The following DUSP10 variants were observed in gnomAD, a reference collection of about 807,000 sequenced individuals.
The protein encoded by DUSP10 is dual specificity protein phosphatase 10.
DUSP10 carries 14 observed loss-of-function variants against 30.8 expected under a neutral mutation model. The observed-to-expected ratio is 0.46, with a 90% confidence interval of 0.30 to 0.71. The LOEUF is 0.71. Ranked by LOEUF, DUSP10 falls within the 30% of genes least tolerant of loss-of-function variation. DUSP10 has a pLI of 0.08. For synonymous variants in DUSP10, 254 were observed against 250.4 expected (o/e 1.01, Z -0.14); for missense variants, 550 against 619.4 (o/e 0.89, Z 1.19).
chr1:221,716,941 CCAAA>C (rs894121294), intron 2 of DUSP10, among the ~76,000 whole-genome samples: 8 of 152,192 alleles, frequency 5.3e-5, no homozygotes, highest in African/African-American at 1.9e-4. Context: ...CAAACCCTCC[CCAAA>C]CATTCTGGGA....
intron 3 of DUSP10, among the ~76,000 whole-genome samples, chr1:221,703,107 A>G (rs986059757): frequency 6.6e-6 from 1 of 152,196 alleles, no homozygotes; most frequent in African/African-American, 2.4e-5. Context: ...AAAGAAAAAA[A>G]AAGAATGAAG....
At chr1:221,740,349 CTT>C (rs1661915537) in intron 1 of DUSP10, among the ~76,000 whole-genome samples, 1 of 152,220 alleles carries the variant, frequency 6.6e-6, no homozygotes, top group African/African-American at 2.4e-5. Context: ...AAGTGAATCT[CTT>C]TAACTTGGAG....
chr1:221,714,998 T>C (rs55920838), intron 2 of DUSP10, among the ~76,000 whole-genome samples: 81,941 of 152,016 alleles, frequency 0.54, 22,168 homozygotes, highest in South Asian at 0.61. Context: ...AATCTTTGTA[T>C]AATTAGCAGT....
At chr1:221,729,416 G>T (rs1661513236) in intron 2 of DUSP10, among the ~76,000 whole-genome samples, 1 of 152,198 alleles carries the variant, frequency 6.6e-6, no homozygotes, top group Admixed American at 6.5e-5. Flanking sequence ...CTTGCAAATA[G>T]ATATGGCCAG....
chr1:221,725,978 C>T (rs1182452733), intron 2 of DUSP10, among the ~76,000 whole-genome samples: 2 of 152,226 alleles, frequency 1.3e-5, no homozygotes, highest in Non-Finnish European at 2.9e-5. Flanking sequence ...GTGGTGCTTC[C>T]TCATGTCCTC....
intron 3 of DUSP10, among the ~76,000 whole-genome samples, chr1:221,703,272 T>G (rs1233783788): frequency 1.3e-5 from 2 of 152,160 alleles, no homozygotes; most frequent in African/African-American, 4.8e-5. Context: ...AATTCCAATT[T>G]TCGGTTGTGT....
In DUSP10 at chr1:221,702,973, G is replaced by A. The variant is rs765509718; in HGVS notation, c.1184-296C>T. On this transcript the variant is annotated intron_variant, in intron 3 of 3. Transcript: ENST00000366899. This position sits in a 1 kb window ranked among gnomAD's most constrained non-coding sequence, Gnocchi z 4.5. ...TGCTGCACAGGTGACAGCAGTGGCC[G>A]GAAGCCAGACCTATAACACAGTTAA... Among the ~76,000 whole-genome samples, 8 of 152,108 alleles carry A rather than the reference G, an allele frequency of 5.3e-5. No homozygotes were observed. The highest frequency in any genetic ancestry group is 1.3e-4 in the Admixed American group (2 of 15,268).
At chr1:221,724,567 T>C (rs74408599) in intron 2 of DUSP10, among the ~76,000 whole-genome samples, 4,536 of 152,290 alleles carry the variant, frequency 0.03, 230 homozygotes, top group African/African-American at 0.1. Flanking sequence ...AAGTGCTCAA[T>C]GGCCACGTTT....
Position 221,706,440 on chromosome 1 carries a change from G to C in DUSP10, c.838C>G (p.His280Asp), listed in dbSNP as rs1462672907. ...AGGGAGTTGTCACAGAGGTTTTCAT[G>C]GTTCTGCTTAAAACTACTAAGTCCA... ...KGGLSSFKQN[H>D]ENLCDNSLQL... is the part of the protein sequence containing the mutation. Residue 280 changes from histidine to aspartate, a missense_variant, in exon 3 of 4, where the codon CAT becomes GAT. Physicochemically the swap from His to Asp is moderately conservative, Grantham distance 81 (BLOSUM62 -1). Coordinates refer to ENST00000366899, the MANE Select transcript of DUSP10 (RefSeq NM_007207.6). The surrounding 1 kb of genome is among the most constrained non-coding windows in gnomAD (Gnocchi z 4.6). 3.3e-6 allele frequency: 5 copies of C among 1,525,082 alleles called. No individual in the cohort carries two copies. Among genetic ancestry groups the C allele is most frequent in the Non-Finnish European group, 4.4e-6 (5 of 1,137,148 alleles). 94.5% of individuals were successfully genotyped at this position (1,525,082 alleles called of 1,614,324 possible).
At chr1:221,707,836 C>T (rs1286343335) in intron 2 of DUSP10, among the ~76,000 whole-genome samples, 2 of 152,000 alleles carry the variant, frequency 1.3e-5, no homozygotes, top group East Asian at 1.9e-4. Context: ...AAGTAAAAAA[C>T]ATTGACCAAA....
intron 2 of DUSP10, among the ~76,000 whole-genome samples, chr1:221,727,345 C>T (rs997913765): frequency 6.6e-5 from 10 of 152,174 alleles, no homozygotes; most frequent in African/African-American, 2.4e-4. Context: ...AGATACTAAT[C>T]CAAAGGATTA....
rs1345869576 is a variant in DUSP10, at chr1:221,702,926, A to G, written c.1184-249T>C. Among the ~76,000 whole-genome samples, 6 of 152,218 alleles carry G rather than the reference A, an allele frequency of 3.9e-5. No homozygotes were observed. Among genetic ancestry groups the G allele is most frequent in the Non-Finnish European group, 7.3e-5 (5 of 68,044 alleles). On this transcript the variant is annotated intron_variant, in intron 3 of 3. Transcript: ENST00000366899. This position sits in a 1 kb window ranked among gnomAD's most constrained non-coding sequence, Gnocchi z 4.5. Reference sequence around the variant, plus strand: ...ACATTTAAAGAGAAGATTAAATGAAAGAATTGCTCATAGGAACAGTTTGCT... The same window carrying G: ...ACATTTAAAGAGAAGATTAAATGAAGGAATTGCTCATAGGAACAGTTTGCT...
At chr1:221,713,758 C>CTTA (rs930143179) in intron 2 of DUSP10, among the ~76,000 whole-genome samples, 78 of 152,242 alleles carry the variant, frequency 5.1e-4, no homozygotes, top group African/African-American at 1.8e-3. Context: ...CAGGACTAGT[C>CTTA]TTATTTAAAT....
rs560763109 is a variant in DUSP10, at chr1:221,718,281, C to T, written c.812-11815G>A. Among the ~76,000 whole-genome samples the T allele has an allele frequency of 4.6e-3, 694 of 152,286 alleles. 9 individuals carry two copies. Among genetic ancestry groups the T allele is most frequent in the Non-Finnish European group, 4.4e-3 (301 of 68,034 alleles). ...CTTCCCTCCTCATTAGATATATGCC[C>T]TTTCAGATCAGCACTGGCACATGAC... On this transcript the variant is annotated intron_variant, in intron 2 of 3. Transcript: ENST00000366899.
rs188797540 is a variant in DUSP10, at chr1:221,722,235, C to G, written c.812-15769G>C. On this transcript the variant is annotated intron_variant, in intron 2 of 3. Coordinates refer to ENST00000366899, the MANE Select transcript of DUSP10 (RefSeq NM_007207.6). ...CTCAAAGAGCAATAGCACGCTATAA[C>G]GCTCTTGAAAGGTAGAAAAAGGGCC... Among the ~76,000 whole-genome samples, 21 of 152,324 alleles carry G rather than the reference C, an allele frequency of 1.4e-4. No homozygotes were observed. The Middle Eastern group carries it at 0.014, about 99-fold the overall frequency.
rs776606563 is a variant in DUSP10, at chr1:221,739,736, C to T, written c.9G>A (p.Pro3=). Residue 3 remains proline, a synonymous_variant, in exon 2 of 4, where the codon CCG becomes CCA. Coordinates refer to ENST00000366899, the MANE Select transcript of DUSP10 (RefSeq NM_007207.6). ...CTACTACCCTGTCGTCTAAAGGAGA[C>T]GGAGGCATGAGGAGGCTGAAAACTG... MP[P]SPLDDRVVVA... is the part of the protein sequence containing the mutation. 3.3e-5 allele frequency: 52 copies of T among 1,588,402 alleles called. No individual in the cohort carries two copies. Among genetic ancestry groups the T allele is most frequent in the South Asian group, 9.1e-5 (8 of 88,196 alleles).
rs1453432966 is a variant in DUSP10, at chr1:221,739,577, C to T, written c.168G>A (p.Ala56=). Residue 56 remains alanine, a synonymous_variant, in exon 2 of 4, where the codon GCG becomes GCA. Transcript: ENST00000366899. ...TGGATGAGGGCATATACGTCAGATT[C>T]GCAGCCTTGAGGGACACAACGGTGG... ...IATTVVSLKA[A]NLTYMPSSSG... 5 of 1,614,124 alleles carry T rather than the reference C, an allele frequency of 3.1e-6. No individual in the cohort carries two copies. The highest frequency in any genetic ancestry group is 2.7e-5 in the African/African-American group (2 of 74,992).
chr1:221,728,139 G>A (rs189240614), intron 2 of DUSP10, among the ~76,000 whole-genome samples: 187 of 152,268 alleles, frequency 1.2e-3, no homozygotes, highest in African/African-American at 4.3e-3. Context: ...CCTCCACCAT[G>A]GGCTGACCTT....
intron 2 of DUSP10, among the ~76,000 whole-genome samples, chr1:221,732,299 T>C (rs1465910960): frequency 6.6e-6 from 1 of 152,232 alleles, no homozygotes; most frequent in Non-Finnish European, 1.5e-5. Context: ...CCTGTTTTGA[T>C]AGCTGTTAAC....
Sources: gnomAD v4.1 joint callset for allele counts (sites outside exome capture counted in the v4.1 genomes callset) on GRCh38, gnomAD v4.1.1 for gene constraint, Gnocchi (gnomAD v3.1) non-coding constraint, MANE v1.5 for transcripts, NCBI Gene and HGNC (gene_info 2026-07-23, HGNC 2026-07-21) for gene names.